The following RBM27 variants were observed in gnomAD, a reference collection of about 807,000 sequenced individuals.
The protein encoded by RBM27 is RNA-binding protein 27.
Under a neutral mutation model 135.3 loss-of-function variants are expected in RBM27, and 22 were observed. That is an observed-to-expected ratio of 0.16 (90% CI 0.12 to 0.23). The LOEUF is 0.23. Ranked by LOEUF, RBM27 falls within the 10% of genes least tolerant of loss-of-function variation. The pLI, the probability that RBM27 is intolerant of heterozygous loss-of-function variation, is 1.00. For missense variants in RBM27, 1,009 were observed against 1,281.0 expected (o/e 0.79, Z 3.24); for synonymous variants, 481 against 442.4 (o/e 1.09, Z -1.10).
rs1210986277 is a variant in RBM27 at position 146,287,150 on chromosome 5, G to A, written c.*1120G>A. The A allele has an allele frequency of 2.0e-5, 3 of 150,432 alleles. No homozygotes were observed. Among genetic ancestry groups the A allele is most frequent in the African/African-American group, 7.4e-5 (3 of 40,682 alleles). 9.3% of individuals were successfully genotyped at this position (150,432 alleles called of 1,614,324 possible). A position where few individuals can be genotyped will look rare whatever the true frequency, so the allele number is the denominator to read the frequency against. On this transcript the variant is annotated 3_prime_UTR_variant, in exon 21 of 21. Transcript: ENST00000265271. ...GGGTGGGGGGTGGAGGTGGGAGGGG[G>A]TTGAGGGCTGAGTATGCTAGTAATA...
At chr5:146,256,342 ATATT>A (rs1185674775) in intron 10 of RBM27, among the ~76,000 whole-genome samples, 2 of 146,164 alleles carry the variant, frequency 1.4e-5, no homozygotes, top group Non-Finnish European at 3.0e-5. Flanking sequence ...ATTTTTATAT[ATATT>A]ATTTATATAT....
intron 2 of RBM27, 30 bp from the exon 3 acceptor site, chr5:146,223,373 C>T (rs2126723748): frequency 6.4e-7 from 1 of 1,555,876 alleles, no homozygotes; most frequent in Non-Finnish European, 8.6e-7. Flanking sequence ...TTTGTTTGCG[C>T]AATATGTAAA....
intron 1 of RBM27, among the ~76,000 whole-genome samples, chr5:146,213,102 TTTG>T (rs1202108606): frequency 1.3e-5 from 2 of 151,820 alleles, no homozygotes; most frequent in Admixed American, 6.6e-5. Flanking sequence ...ATGGATTTTT[TTTG>T]TTGTTGTTGT....
intron 1 of RBM27, 40 bp from the exon 2 acceptor site, chr5:146,218,945 A>G (rs764797541): frequency 9.9e-6 from 13 of 1,310,310 alleles, no homozygotes; most frequent in Non-Finnish European, 1.4e-5. Flanking sequence ...TTTGATAAAA[A>G]GTGTTTTTTA....
intron 10 of RBM27, among the ~76,000 whole-genome samples, chr5:146,255,984 T>G (rs1289506438): frequency 6.6e-6 from 1 of 151,826 alleles, no homozygotes; most frequent in Non-Finnish European, 1.5e-5. Flanking sequence ...GCCTCCTGAA[T>G]AGCTGAGATT....
chr5:146,244,599 T>C (rs1757544378), intron 8 of RBM27, among the ~76,000 whole-genome samples: 1 of 151,744 alleles, frequency 6.6e-6, no homozygotes, highest in Admixed American at 6.6e-5. Context: ...TGGAGTATGG[T>C]GGCATCATGG....
At chr5:146,217,323 CA>C (rs1561525797) in intron 1 of RBM27, among the ~76,000 whole-genome samples, 1 of 151,510 alleles carries the variant, frequency 6.6e-6, no homozygotes, top group Admixed American at 6.6e-5. Flanking sequence ...ATATTGACAA[CA>C]AAAAAAGTTG....
rs1176230380 is a variant in RBM27 at position 146,218,979 on chromosome 5, A to G, written c.60-6A>G. On this transcript the variant is annotated splice_region_variant and splice_polypyrimidine_tract_variant and intron_variant, in intron 1 of 20. Coordinates refer to ENST00000265271, the MANE Select transcript of RBM27 (RefSeq NM_018989.2). ...TAAAATTTTTGTTTTCTCTTTGTCTAACTAGATGTGATGCTGATCCTTCAG... is the reference window on the plus strand; with the variant it reads ...TAAAATTTTTGTTTTCTCTTTGTCTGACTAGATGTGATGCTGATCCTTCAG... The G allele has an allele frequency of 3.2e-6, 5 of 1,577,376 alleles. No individual in the cohort carries two copies. The South Asian group carries it at 3.5e-5, about 11-fold the overall frequency.
intron 8 of RBM27, among the ~76,000 whole-genome samples, chr5:146,249,868 C>T (rs1757808098): frequency 6.6e-6 from 1 of 151,930 alleles, no homozygotes; most frequent in Non-Finnish European, 1.5e-5. Context: ...TAAATGTGTG[C>T]CATGGTGGTT....
intron 14 of RBM27, among the ~76,000 whole-genome samples, chr5:146,266,014 G>A (rs1758599621): frequency 6.6e-6 from 1 of 152,168 alleles, no homozygotes; most frequent in Non-Finnish European, 1.5e-5. Flanking sequence ...GACCAGCCCA[G>A]TCATTGAGCA....
chr5:146,250,431 C>CA (rs775574346), intron 8 of RBM27, among the ~76,000 whole-genome samples: 38,720 of 91,732 alleles, frequency 0.42, 6,531 homozygotes, highest in African/African-American at 0.44. Context: ...GACTCCGTCT[C>CA]AAAAAAAAAA....
chr5:146,209,154 G>T (rs1353074205), intron 1 of RBM27, among the ~76,000 whole-genome samples: 2 of 152,016 alleles, frequency 1.3e-5, no homozygotes, highest in Admixed American at 1.3e-4. Context: ...GACTTTAAGT[G>T]GTTTGTGTAC....
intron 9 of RBM27, among the ~76,000 whole-genome samples, 194 bp from the exon 10 acceptor site, chr5:146,254,749 T>C (rs953461145): frequency 1.3e-5 from 2 of 152,162 alleles, no homozygotes; most frequent in Non-Finnish European, 2.9e-5. Context: ...ATCAAAGTCT[T>C]GAACATTTGT....
chr5:146,266,431 G>T (rs1007712601), intron 14 of RBM27, among the ~76,000 whole-genome samples: 1 of 152,186 alleles, frequency 6.6e-6, no homozygotes, highest in Non-Finnish European at 1.5e-5. Context: ...GGGGGAAATT[G>T]TTTAGAATAT....
chr5:146,279,348 C>T (rs1333237816), intron 19 of RBM27, among the ~76,000 whole-genome samples: 3 of 151,506 alleles, frequency 2.0e-5, no homozygotes, highest in Non-Finnish European at 2.9e-5. Flanking sequence ...ACTCAGGAGG[C>T]TGAGGCAGGA....
intron 7 of RBM27, 80 bp downstream of exon 7, chr5:146,233,823 T>G: frequency 1.0e-6 from 1 of 986,440 alleles, no homozygotes; most frequent in Non-Finnish European, 1.4e-6. Context: ...TGACACTCGT[T>G]TAAAGTGTTT....
At chr5:146,243,533 T>C (rs911055516) in intron 8 of RBM27, among the ~76,000 whole-genome samples, 2 of 152,198 alleles carry the variant, frequency 1.3e-5, no homozygotes, top group African/African-American at 4.8e-5. Flanking sequence ...TAGAAAAATC[T>C]GAAAAAGTCT....
At chr5:146,277,064 A>G (rs543222673) in intron 19 of RBM27, among the ~76,000 whole-genome samples, 9 of 152,216 alleles carry the variant, frequency 5.9e-5, no homozygotes, top group Non-Finnish European at 7.3e-5. Context: ...GGAGTGAAAT[A>G]TGGCAATGGT....
intron 14 of RBM27, among the ~76,000 whole-genome samples, chr5:146,264,618 A>G (rs1004796676): frequency 2.0e-5 from 3 of 150,402 alleles, no homozygotes; most frequent in Non-Finnish European, 4.4e-5. Flanking sequence ...TATCTATACT[A>G]TAACTCTTGA....
Sources: gnomAD v4.1 joint callset for allele counts (sites outside exome capture counted in the v4.1 genomes callset) on GRCh38, gnomAD v4.1.1 for gene constraint, MANE v1.5 for transcripts, NCBI Gene and HGNC (gene_info 2026-07-23, HGNC 2026-07-21) for gene names.